Variants in OTOF observed in about 807,000 individuals in gnomAD.
The protein encoded by OTOF is fer-1-like family member 2.
A neutral mutation model predicts 236.8 loss-of-function variants in OTOF; 218 were observed. That is an observed-to-expected ratio of 0.92 (90% CI 0.82 to 1.03). The LOEUF (loss-of-function observed/expected upper bound fraction) is 1.03. OTOF is among the 50% of genes least tolerant of loss of function. OTOF has a pLI of 0.00. For synonymous variants in OTOF, 1,041 were observed against 1,072.5 expected, an observed-to-expected ratio of 0.97 and a Z score of 0.57; for missense variants, 2,590 against 2,694.4, an observed-to-expected ratio of 0.96 and a Z score of 0.86.
At chr2:26,500,498 G>T (rs914526212) in intron 8 of OTOF, among the ~76,000 whole-genome samples, 3 of 152,136 alleles carry the variant, frequency 2.0e-5, no homozygotes, top group Non-Finnish European at 4.4e-5. Context: ...CAATCCCTTG[G>T]AAAAGCCCTC....
At position 26,482,606 on chromosome 2, in the gene OTOF, G is replaced by T. The variant is rs1170784924; in HGVS notation, c.1393-14C>A. 1 of 1,609,918 alleles carries T rather than the reference G, an allele frequency of 6.2e-7. No individual in the cohort carries two copies. The highest frequency in any genetic ancestry group is 8.5e-7 in the Non-Finnish European group (1 of 1,177,474). ...TGAAGTCTTGCCCTGGTGGAAGGGG[G>T]AGCACAGGTGAGGGCGTGGCATGTG... On this transcript the variant is annotated splice_polypyrimidine_tract_variant and intron_variant, in intron 13 of 46. Coordinates refer to ENST00000272371, the MANE Select transcript of OTOF (RefSeq NM_194248.3).
At chr2:26,552,437 C>T (rs1667484876) in intron 1 of OTOF, among the ~76,000 whole-genome samples, 1 of 152,124 alleles carries the variant, frequency 6.6e-6, no homozygotes, top group African/African-American at 2.4e-5. Context: ...TTCACATGAT[C>T]GGTAAAAGTG....
chr2:26,537,792 A>G lies in OTOF; in HGVS notation c.80-18T>C, dbSNP rs188970385. 4.1e-5 allele frequency: 63 copies of G among 1,544,844 alleles called. 1 individual carries two copies. The East Asian group carries it at 1.5e-3, about 37-fold the overall frequency. On this transcript the variant is annotated intron_variant, in intron 1 of 46. Transcript: ENST00000272371. ...GGATTGCCCTGTGGGGAAAGAGGAA[A>G]TAAATTCTAGGGTCAGAGCTGTCCA...
chr2:26,510,761 G>A, intron 5 of OTOF: 1 of 1,288,356 alleles, frequency 7.8e-7, no homozygotes, highest in Non-Finnish European at 1.0e-6. Flanking sequence ...TGAGTAGGGG[G>A]AAGAAATGAG....
intron 9 of OTOF, among the ~76,000 whole-genome samples, chr2:26,494,239 G>A (rs1027265939): frequency 4.5e-4 from 69 of 152,368 alleles, no homozygotes; most frequent in South Asian, 4.1e-4. Flanking sequence ...AGGTCTCTGA[G>A]GTCCCTCACC....
In OTOF at chr2:26,472,123, C is replaced by T. The variant is rs540895781; in HGVS notation, c.3864+396G>A. On this transcript the variant is annotated intron_variant, in intron 30 of 46. Transcript: ENST00000272371. ...CATGCATGCACATGTGCACACCACA[C>T]GCACGCACGTGCATATGCACATACC... Among the ~76,000 whole-genome samples, 628 of 151,806 alleles carry T rather than the reference C, an allele frequency of 4.1e-3. 6 individuals are homozygous for T. Among genetic ancestry groups the T allele is most frequent in the African/African-American group, 0.013 (542 of 41,406 alleles).
At chr2:26,458,308 A>C in intron 46 of OTOF, 88 bp from the exon 47 acceptor site, 1 of 1,352,338 alleles carries the variant, frequency 7.4e-7, no homozygotes, top group Non-Finnish European at 1.0e-6. Context: ...GGACCCCCAA[A>C]AGCCCTGCCA....
chr2:26,537,833 GT>G, intron 1 of OTOF, 59 bp from the exon 2 acceptor site: 2 of 1,247,470 alleles, frequency 1.6e-6, no homozygotes, highest in Non-Finnish European at 2.3e-6. Context: ...TGAGCATGGG[GT>G]CAGACCTCCT....
intron 1 of OTOF, among the ~76,000 whole-genome samples, chr2:26,538,090 G>T (rs559657563): frequency 2.0e-5 from 3 of 152,316 alleles, no homozygotes; most frequent in African/African-American, 2.4e-5. Flanking sequence ...TTTCCACCAT[G>T]TTCTTCCTCC....
In OTOF at chr2:26,457,875, G is replaced by C. The variant is rs1376587504; in HGVS notation, c.*363C>G. 3 of 700,460 alleles carry C rather than the reference G, an allele frequency of 4.3e-6. No homozygotes were observed. The East Asian group carries it at 7.7e-5, about 18-fold the overall frequency. The allele number at this position is 700,460 out of a possible 1,614,324, so 43.4% of individuals were successfully genotyped here. A position where few individuals can be genotyped will look rare whatever the true frequency, so the allele number is the denominator to read the frequency against. ...CGGGACTGGGCAAGCCGCAGCCTGG[G>C]GCAGTGAGGACAGGCGGCCCCCGCA... On this transcript the variant is annotated 3_prime_UTR_variant, in exon 47 of 47. Coordinates refer to ENST00000272371, the MANE Select transcript of OTOF (RefSeq NM_194248.3). The surrounding 1 kb of genome is among the most constrained non-coding windows in gnomAD (Gnocchi z 4.4).
chr2:26,545,720 G>A (rs1282233507), intron 1 of OTOF, among the ~76,000 whole-genome samples: 1 of 151,990 alleles, frequency 6.6e-6, no homozygotes, highest in Non-Finnish European at 1.5e-5. Flanking sequence ...TAATTTTTGT[G>A]GATGGTATGA....
At chr2:26,488,976 C>G (rs1267515569) in intron 11 of OTOF, among the ~76,000 whole-genome samples, 1 of 152,272 alleles carries the variant, frequency 6.6e-6, no homozygotes, top group Non-Finnish European at 1.5e-5. Flanking sequence ...TGCAGAGTTA[C>G]TCACCTAATT....
intron 24 of OTOF, 123 bp from the exon 25 acceptor site, chr2:26,475,616 A>T (rs1665219021): frequency 5.3e-6 from 6 of 1,125,316 alleles, no homozygotes; most frequent in Non-Finnish European, 6.6e-6. Flanking sequence ...AGGTGTCTTG[A>T]TTCTTCCAGA....
Position 26,460,861 on chromosome 2 carries a change from A to G in OTOF, c.5703T>C (p.Phe1901=), listed in dbSNP as rs749783559. 6.2e-7 allele frequency: 1 copy of G among 1,613,900 alleles called. No individual in the cohort carries two copies. Among genetic ancestry groups the G allele is most frequent in the East Asian group, 2.2e-5 (1 of 44,846 alleles). The part of the protein sequence containing the change: ...PLLARNENDE[F]ELTGKVEAEL... ...AGGAAGGGGTGCGCACCGTGAGCTC[A>G]AACTCATCGTTCTCATTGCGGGCCA... Residue 1901 remains phenylalanine, a synonymous_variant, in exon 44 of 47, where the codon TTT becomes TTC. Coordinates refer to ENST00000272371, the MANE Select transcript of OTOF (RefSeq NM_194248.3). The surrounding 1 kb of genome is among the most constrained non-coding windows in gnomAD (Gnocchi z 5.3).
chr2:26,520,037 A>G (rs374750368), intron 3 of OTOF, among the ~76,000 whole-genome samples: 6 of 152,252 alleles, frequency 3.9e-5, no homozygotes, highest in Admixed American at 1.3e-4. Flanking sequence ...TGGGTGCCCA[A>G]TAAATGCTGA....
At chr2:26,517,596 T>G (rs10197718) in intron 4 of OTOF, among the ~76,000 whole-genome samples, 143,125 of 152,208 alleles carry the variant, frequency 0.94, 67,940 homozygotes, top group East Asian at 1. Flanking sequence ...CCCATGTCCT[T>G]TCTGGAACAA....
chr2:26,506,053 C>T (rs759957534), intron 5 of OTOF, among the ~76,000 whole-genome samples: 2 of 152,154 alleles, frequency 1.3e-5, no homozygotes, highest in African/African-American at 4.8e-5. Flanking sequence ...GCTGGCTTGC[C>T]CTGAAGCATC....
chr2:26,536,711 C>T (rs17320634), intron 2 of OTOF, among the ~76,000 whole-genome samples: 43,924 of 152,012 alleles, frequency 0.29, 7,323 homozygotes, highest in Admixed American at 0.42. Flanking sequence ...CAGAGCCAAG[C>T]GGGAGAGCCA....
chr2:26,485,301 C>A (rs1247585198), intron 11 of OTOF, among the ~76,000 whole-genome samples: 1 of 152,244 alleles, frequency 6.6e-6, no homozygotes, highest in Non-Finnish European at 1.5e-5. Context: ...TTGCTCAAGT[C>A]TCTCCTCCTC....
Sources: gnomAD v4.1 joint callset for allele counts (sites outside exome capture counted in the v4.1 genomes callset) on GRCh38, gnomAD v4.1.1 for gene constraint, Gnocchi (gnomAD v3.1) non-coding constraint, MANE v1.5 for transcripts, NCBI Gene and HGNC (gene_info 2026-07-23, HGNC 2026-07-21) for gene names.